The following SEL1L2 variants were observed in gnomAD, a reference collection of about 807,000 sequenced individuals.
The protein encoded by SEL1L2 is SEL1L2 adaptor subunit of SYVN1 ubiquitin ligase, also known as protein sel-1 homolog 2.
In SEL1L2, 89 loss-of-function variants were observed where a neutral mutation model predicts 98.8. The observed-to-expected ratio is 0.90, with a 90% CI of 0.76 to 1.07. SEL1L2 has a LOEUF of 1.07. Ranked by LOEUF, SEL1L2 falls within the 50% of genes least tolerant of loss-of-function variation. The probability of loss-of-function intolerance (pLI) is 0.00; values close to 1 mark genes in which losing one functional copy is unlikely to be tolerated. For synonymous variants in SEL1L2, 262 were observed against 278.5 expected (o/e 0.94, Z 0.59); for missense variants, 788 against 812.0 (o/e 0.97, Z 0.36).
chr20:13,854,894 TA>T (rs1248848876), intron 18 of SEL1L2, among the ~76,000 whole-genome samples: 1 of 151,810 alleles, frequency 6.6e-6, no homozygotes, highest in Non-Finnish European at 1.5e-5. Context: ...TCTACTAAAA[TA>T]CTAAAATTAG....
chr20:13,904,130 A>G (rs910030840), intron 5 of SEL1L2, among the ~76,000 whole-genome samples: 4 of 152,244 alleles, frequency 2.6e-5, no homozygotes, highest in African/African-American at 9.6e-5. Context: ...TTAAACTTGG[A>G]AATTGACTAT....
At chr20:13,992,879 A>G (rs542773479), upstream of SEL1L2, among the ~76,000 whole-genome samples, 1 of 152,190 alleles carries the variant, frequency 6.6e-6, no homozygotes, top group Non-Finnish European at 1.5e-5. Context: ...CTCTTCTTAT[A>G]AGGCCTCAGT....
At chr20:13,902,632 G>A (rs1572005) in intron 5 of SEL1L2, among the ~76,000 whole-genome samples, 127,601 of 152,118 alleles carry the variant, frequency 0.84, 53,610 homozygotes, top group Middle Eastern at 0.88. Context: ...ATGATAAGAT[G>A]TTTTAAGATC....
intron 2 of SEL1L2, among the ~76,000 whole-genome samples, chr20:13,940,433 G>A (rs2049708632): frequency 6.6e-6 from 1 of 152,208 alleles, no homozygotes; most frequent in Non-Finnish European, 1.5e-5. Flanking sequence ...GTGGCTGAAG[G>A]AGTGTGAGCC....
At chr20:13,886,033 A>G (rs2046935734) in intron 9 of SEL1L2, among the ~76,000 whole-genome samples, 1 of 147,896 alleles carries the variant, frequency 6.8e-6, no homozygotes, top group Non-Finnish European at 1.5e-5. Context: ...TGAGACTCCA[A>G]CTCAAAAAAA....
chr20:13,905,943 C>T (rs925250729), intron 5 of SEL1L2, among the ~76,000 whole-genome samples: 3 of 146,086 alleles, frequency 2.1e-5, no homozygotes, highest in Middle Eastern at 3.5e-3. Flanking sequence ...GGTGCAGTCT[C>T]GGCTCACTGC....
chr20:13,939,040 G>GTTTTTTTTTTTTTTTTTTT (rs386365633), intron 2 of SEL1L2, among the ~76,000 whole-genome samples: 5 of 114,084 alleles, frequency 4.4e-5, no homozygotes, highest in African/African-American at 1.0e-4. Flanking sequence ...TGCTTGTTTT[G>GTTTTTTTTTTTTTTTTTTT]TTTTTTTTTT....
At chr20:13,908,715 T>C (rs2048087487) in intron 5 of SEL1L2, among the ~76,000 whole-genome samples, 1 of 152,238 alleles carries the variant, frequency 6.6e-6, no homozygotes, top group Non-Finnish European at 1.5e-5. Context: ...TTCTCATTAT[T>C]TGAAAGGTAC....
intron 1 of SEL1L2, among the ~76,000 whole-genome samples, chr20:13,969,988 A>G (rs1277435629): frequency 6.7e-6 from 1 of 150,050 alleles, no homozygotes; most frequent in Non-Finnish European, 1.5e-5. Flanking sequence ...ATTTTATTCT[A>G]CGGATTGTAA....
intron 18 of SEL1L2, among the ~76,000 whole-genome samples, chr20:13,857,427 A>C (rs1014723409): frequency 1.3e-5 from 2 of 152,256 alleles, no homozygotes; most frequent in African/African-American, 4.8e-5. Context: ...GAAACAGATC[A>C]GTGGTGACTC....
intron 12 of SEL1L2, among the ~76,000 whole-genome samples, chr20:13,871,259 C>G (rs1273573310): frequency 6.6e-6 from 1 of 152,106 alleles, no homozygotes; most frequent in Non-Finnish European, 1.5e-5. Flanking sequence ...CCGATGTTTC[C>G]TTTTCCACTT....
intron 2 of SEL1L2, among the ~76,000 whole-genome samples, chr20:13,946,919 T>G (rs2050038909): frequency 6.6e-6 from 1 of 152,210 alleles, no homozygotes; most frequent in Admixed American, 6.5e-5. Flanking sequence ...CTCTGGACTT[T>G]GGGCACTGAC....
At position 13,917,946 on chromosome 20, in the gene SEL1L2, C is replaced by T. The variant is rs117003243; in HGVS notation, c.386+1075G>A. Among the ~76,000 whole-genome samples, 556 of 151,708 alleles carry T rather than the reference C, an allele frequency of 3.7e-3. 4 individuals carry two copies. The highest frequency in any genetic ancestry group is 5.5e-3 in the Non-Finnish European group (376 of 67,920). On this transcript the variant is annotated intron_variant, in intron 4 of 19. Coordinates refer to ENST00000284951, the MANE Select transcript of SEL1L2 (RefSeq NM_025229.2). ...TCCCAAATAGTTGGGATTACAGGTG[C>T]GCGCCATCATGTCTGGCTAATTTTT...
intron 4 of SEL1L2, among the ~76,000 whole-genome samples, chr20:13,916,686 A>T (rs992306015): frequency 1.3e-5 from 2 of 152,142 alleles, no homozygotes; most frequent in Non-Finnish European, 2.9e-5. Flanking sequence ...GGCACCTGTC[A>T]TCTCAGCTAC....
intron 2 of SEL1L2, among the ~76,000 whole-genome samples, chr20:13,949,136 C>T (rs374898811): frequency 2.0e-5 from 3 of 152,112 alleles, no homozygotes; most frequent in East Asian, 3.8e-4. Context: ...AAAATATTTG[C>T]AAATTAGATA....
chr20:13,924,145 G>T (rs1186111557), intron 3 of SEL1L2, among the ~76,000 whole-genome samples: 2 of 152,080 alleles, frequency 1.3e-5, no homozygotes, highest in Non-Finnish European at 2.9e-5. Context: ...AGTGTTGCCT[G>T]GGATATCATT....
chr20:13,989,634 C>T (rs1917967115), intron 1 of SEL1L2, among the ~76,000 whole-genome samples: 1 of 152,004 alleles, frequency 6.6e-6, no homozygotes, highest in African/African-American at 2.4e-5. Context: ...ATAAAGTTTC[C>T]TTCCATTCTT....
intron 2 of SEL1L2, among the ~76,000 whole-genome samples, chr20:13,952,285 G>A (rs2050311176): frequency 6.6e-6 from 1 of 152,218 alleles, no homozygotes; most frequent in Admixed American, 6.5e-5. Context: ...AAGGAATCCA[G>A]AGGCAGACAA....
chr20:13,943,857 C>T (rs969141231), intron 2 of SEL1L2, among the ~76,000 whole-genome samples: 1 of 152,046 alleles, frequency 6.6e-6, no homozygotes, highest in Non-Finnish European at 1.5e-5. Flanking sequence ...TTTTTATGGA[C>T]TTAGAATGGG....
Sources: gnomAD v4.1 joint callset for allele counts (sites outside exome capture counted in the v4.1 genomes callset) on GRCh38, gnomAD v4.1.1 for gene constraint, MANE v1.5 for transcripts, NCBI Gene and HGNC (gene_info 2026-07-23, HGNC 2026-07-21) for gene names.